Variants in TMPRSS7 observed in about 807,000 individuals in gnomAD.
The protein encoded by TMPRSS7 is transmembrane serine protease 7.
In TMPRSS7, 81 loss-of-function variants were observed where a neutral mutation model predicts 95.6. That is an observed-to-expected ratio of 0.85 (90% CI 0.71 to 1.02). The LOEUF (loss-of-function observed/expected upper bound fraction) is 1.02. Among genes scored for constraint, TMPRSS7 ranks in the 50% least tolerant of loss-of-function variants. TMPRSS7 has a pLI of 0.00. For missense variants in TMPRSS7, 945 were observed against 955.2 expected (o/e 0.99, Z 0.14); for synonymous variants, 364 against 337.8 (o/e 1.08, Z -0.85).
chr3:112,078,924 T>G (rs1400182598), intron 17 of TMPRSS7, 46 bp downstream of exon 17: 1 of 1,599,536 alleles, frequency 6.3e-7, no homozygotes, highest in East Asian at 2.2e-5. Flanking sequence ...GTGCTTTCCA[T>G]AAATGCTTTC....
At chr3:112,071,385 C>T (rs759971972) in intron 13 of TMPRSS7, among the ~76,000 whole-genome samples, 2 of 152,062 alleles carry the variant, frequency 1.3e-5, no homozygotes, top group Non-Finnish European at 2.9e-5. Flanking sequence ...AACATTTTTT[C>T]CTTCATTTCA....
chr3:112,067,891 A>C (rs1161684641), intron 13 of TMPRSS7, among the ~76,000 whole-genome samples: 2 of 152,206 alleles, frequency 1.3e-5, no homozygotes, highest in Non-Finnish European at 2.9e-5. Flanking sequence ...TGTTTTAGTC[A>C]TGAAGTCCTT....
At chr3:112,051,664 CTATCATCTATCT>C (rs1273124480) in intron 9 of TMPRSS7, among the ~76,000 whole-genome samples, 18 of 111,710 alleles carry the variant, frequency 1.6e-4, no homozygotes, top group African/African-American at 2.0e-4. Flanking sequence ...ATCTATCTAT[CTATCATCTATCT>C]ATCTATCTAT....
At chr3:112,036,087 T>A (rs1180015608) in intron 1 of TMPRSS7, among the ~76,000 whole-genome samples, 1 of 152,186 alleles carries the variant, frequency 6.6e-6, no homozygotes, top group African/African-American at 2.4e-5. Context: ...TTGTACAATC[T>A]ATGCAAATTA....
exon 18 of TMPRSS7, chr3:112,081,152 G>A: frequency 6.8e-7 from 1 of 1,476,156 alleles, no homozygotes; most frequent in South Asian, 1.4e-5. Flanking sequence ...GCAGTAATTG[G>A]CTGGGTGCGC....
chr3:112,050,251 T>C (rs1316759545), intron 8 of TMPRSS7, among the ~76,000 whole-genome samples: 1 of 152,084 alleles, frequency 6.6e-6, no homozygotes, highest in Non-Finnish European at 1.5e-5. Flanking sequence ...AGAAAGTAAC[T>C]ATCATCCCTA....
intron 9 of TMPRSS7, among the ~76,000 whole-genome samples, chr3:112,052,619 G>C (rs79472690): frequency 6.6e-6 from 1 of 152,144 alleles, no homozygotes; most frequent in Non-Finnish European, 1.5e-5. Flanking sequence ...GAGAGGAAAA[G>C]AGGAGATGAA....
rs557199856 is a variant in TMPRSS7 at position 112,060,134 on chromosome 3, AG to A, written c.1311-1649del. ...CAAGTTTTTATTAGTGATTTTCAAAAGGGGAGGGAGTGTACGAATAGGGTGT... is the reference window on the plus strand; with the variant it reads ...CAAGTTTTTATTAGTGATTTTCAAAAGGGAGGGAGTGTACGAATAGGGTGT... On this transcript the variant is annotated intron_variant, in intron 10 of 17. Coordinates refer to ENST00000452346, the Ensembl canonical transcript of TMPRSS7. Among the ~76,000 whole-genome samples the A allele has an allele frequency of 6.6e-5, 10 of 152,314 alleles. No homozygotes were observed. The South Asian group carries it at 2.1e-3, about 32-fold the overall frequency.
At chr3:112,073,930 G>T (rs534520049) in intron 13 of TMPRSS7, among the ~76,000 whole-genome samples, 3 of 152,210 alleles carry the variant, frequency 2.0e-5, no homozygotes, top group Non-Finnish European at 2.9e-5. Context: ...AAATAACTGA[G>T]CATGGCTGTG....
At chr3:112,057,776 A>G (rs780414998) in intron 10 of TMPRSS7, among the ~76,000 whole-genome samples, 5 of 151,576 alleles carry the variant, frequency 3.3e-5, no homozygotes, top group African/African-American at 4.9e-5. Context: ...CCCAGGCTGG[A>G]GTGCTGTGGT....
At chr3:112,063,457 T>C in intron 11 of TMPRSS7, 68 bp from the exon 12 acceptor site, 1 of 1,198,382 alleles carries the variant, frequency 8.3e-7, no homozygotes, top group Non-Finnish European at 1.2e-6. Context: ...TTAAATTTGC[T>C]AATGTGGTCT....
chr3:112,047,035 C>T (rs552124404), intron 6 of TMPRSS7, 23 bp downstream of exon 6: 1 of 701,692 alleles, frequency 1.4e-6, no homozygotes, highest in East Asian at 2.7e-5. Flanking sequence ...ATGTGGTTCC[C>T]CCTCCCCCCA....
chr3:112,077,264 A>G, intron 16 of TMPRSS7, 120 bp downstream of exon 16: 1 of 1,121,424 alleles, frequency 8.9e-7, no homozygotes, highest in South Asian at 1.6e-5. Context: ...CCTCCTGACA[A>G]CTCTGGAAGG....
chr3:112,037,692 C>T (rs559912652), intron 1 of TMPRSS7, among the ~76,000 whole-genome samples: 10 of 152,218 alleles, frequency 6.6e-5, no homozygotes, highest in African/African-American at 1.4e-4. Context: ...TGGAACCTGC[C>T]GACATGTGAT....
chr3:112,069,682 A>C (rs1393445365), intron 13 of TMPRSS7, among the ~76,000 whole-genome samples: 1 of 152,100 alleles, frequency 6.6e-6, no homozygotes, highest in Non-Finnish European at 1.5e-5. Flanking sequence ...CCCCTTTATC[A>C]TTTTTTATTG....
At chr3:112,057,344 T>C (rs910758776) in intron 10 of TMPRSS7, among the ~76,000 whole-genome samples, 2 of 152,234 alleles carry the variant, frequency 1.3e-5, no homozygotes, top group Non-Finnish European at 2.9e-5. Context: ...CCACCACTGC[T>C]CTCTGCTGCT....
intron 13 of TMPRSS7, among the ~76,000 whole-genome samples, chr3:112,073,807 A>G (rs186887415): frequency 3.3e-5 from 5 of 152,344 alleles, no homozygotes; most frequent in Admixed American, 3.3e-4. Flanking sequence ...GGAACTTGCC[A>G]AATACTGGAA....
chr3:112,053,038 A>C lies in TMPRSS7; in HGVS notation c.1203+2255A>C, dbSNP rs1203829311. Among the ~76,000 whole-genome samples the C allele has an allele frequency of 3.9e-5, 6 of 152,310 alleles. 1 individual carries two copies. The South Asian group carries it at 1.2e-3, about 32-fold the overall frequency. The stretch of plus-strand genomic sequence containing the variant: ...CGTGTTAGCTGTTGTCATCTCTCAG[A>C]GAGGAAGTTTGTCCTCCTCAGTGTA... On this transcript the variant is annotated intron_variant, in intron 9 of 17. Coordinates refer to ENST00000452346, the Ensembl canonical transcript of TMPRSS7.
intron 9 of TMPRSS7, among the ~76,000 whole-genome samples, chr3:112,052,945 G>A (rs1171463052): frequency 6.6e-6 from 1 of 151,892 alleles, no homozygotes; most frequent in Non-Finnish European, 1.5e-5. Context: ...AAAGTCTTTA[G>A]AAGGAAAAGG....
Sources: gnomAD v4.1 joint callset for allele counts (sites outside exome capture counted in the v4.1 genomes callset) on GRCh38, gnomAD v4.1.1 for gene constraint, MANE v1.5 for transcripts, NCBI Gene and HGNC (gene_info 2026-07-23, HGNC 2026-07-21) for gene names.